The following PCDHGA9 variants were observed in gnomAD, a reference collection of about 807,000 sequenced individuals.
PCDHGA9 encodes protocadherin gamma-A9.
Under a neutral mutation model 62.5 loss-of-function variants are expected in PCDHGA9, and 37 were observed. The ratio of observed to expected loss-of-function variants is 0.59; its 90% CI spans 0.46 to 0.78. The LOEUF is 0.78. Ranked by LOEUF, PCDHGA9 falls within the 30% of genes least tolerant of loss-of-function variation. PCDHGA9 has a pLI of 0.00. For synonymous variants in PCDHGA9, 459 were observed against 484.6 expected, an observed-to-expected ratio of 0.95 and a Z score of 0.69; for missense variants, 1,138 against 1,166.2, an observed-to-expected ratio of 0.98 and a Z score of 0.35.
Position 141,493,760 on chromosome 5 carries a change from G to C in PCDHGA9, c.2425-1047G>C, listed in dbSNP as rs1268832909. On this transcript the variant is annotated intron_variant, in intron 1 of 3. Coordinates refer to ENST00000573521, the MANE Select transcript of PCDHGA9 (RefSeq NM_018921.3). The surrounding 1 kb of genome is among the most constrained non-coding windows in gnomAD (Gnocchi z 4.3). ...ACTGCCACCTGTGAGCCTTGAGTGA[G>C]CCACTGGCAGTTCCGGAGCTTCCTT... Among the ~76,000 whole-genome samples, 1 of 152,166 alleles carries C rather than the reference G, an allele frequency of 6.6e-6. No individual in the cohort carries two copies. The highest frequency in any genetic ancestry group is 1.5e-5 in the Non-Finnish European group (1 of 68,022).
Position 141,487,341 on chromosome 5 carries a change from TC to T in PCDHGA9, c.2425-7465del, listed in dbSNP as rs778559139. Reference sequence around the variant, plus strand: ...TGTCTTCGTGGGGCAGCCTGTGGAGTCACATGCTTTCCTGCTGGCACCTGTG... The same window carrying T: ...TGTCTTCGTGGGGCAGCCTGTGGAGTACATGCTTTCCTGCTGGCACCTGTG... On this transcript the variant is annotated intron_variant, in intron 1 of 3. Transcript: ENST00000573521. This position sits in a 1 kb window ranked among gnomAD's most constrained non-coding sequence, Gnocchi z 5.0. 1 of 1,614,012 alleles carries T rather than the reference TC, an allele frequency of 6.2e-7. No homozygotes were observed. The highest frequency in any genetic ancestry group is 1.1e-5 in the South Asian group (1 of 91,074).
chr5:141,489,363 G>T lies in PCDHGA9; in HGVS notation c.2425-5444G>T, dbSNP rs767837736. 20 of 1,613,114 alleles carry T rather than the reference G, an allele frequency of 1.2e-5. No homozygotes were observed. Among genetic ancestry groups the T allele is most frequent in the Non-Finnish European group, 1.7e-5 (20 of 1,179,354 alleles). ...ACTCAGTGGTGGAGGAGTCTGAGCCGGGGACGCTGGTGGGGAATGTTGCTC... is the reference window on the plus strand; with the variant it reads ...ACTCAGTGGTGGAGGAGTCTGAGCCTGGGACGCTGGTGGGGAATGTTGCTC... On this transcript the variant is annotated intron_variant, in intron 1 of 3. Transcript: ENST00000573521. The surrounding 1 kb of genome is among the most constrained non-coding windows in gnomAD (Gnocchi z 4.5).
chr5:141,486,608 G>A lies in PCDHGA9; in HGVS notation c.2425-8199G>A. On this transcript the variant is annotated intron_variant, in intron 1 of 3. Transcript: ENST00000573521. The surrounding 1 kb of genome is among the most constrained non-coding windows in gnomAD (Gnocchi z 5.0). ...AGGGGACCTGCTTTGCTCCCTTGCAGCCTCTGACCCAGACTCTGGCTTGAA... is the reference window on the plus strand; with the variant it reads ...AGGGGACCTGCTTTGCTCCCTTGCAACCTCTGACCCAGACTCTGGCTTGAA... 3 of 1,613,546 alleles carry A rather than the reference G, an allele frequency of 1.9e-6. No homozygotes were observed. The highest frequency in any genetic ancestry group is 2.5e-6 in the Non-Finnish European group (3 of 1,180,024).
chr5:141,454,563 C>T (rs1056296059), intron 1 of PCDHGA9, among the ~76,000 whole-genome samples: 46 of 151,960 alleles, frequency 3.0e-4, no homozygotes, highest in Non-Finnish European at 4.9e-4. Context: ...TGTGCCACCA[C>T]GCCCGGCTAA....
chr5:141,450,831 T>TATTA (rs761717068), intron 1 of PCDHGA9, among the ~76,000 whole-genome samples: 2 of 144,580 alleles, frequency 1.4e-5, no homozygotes, highest in South Asian at 2.2e-4. Flanking sequence ...TTATTATTAT[T>TATTA]TTTTTTTTTT....
intron 1 of PCDHGA9, chr5:141,427,729 A>G (rs1176707357): frequency 8.5e-7 from 1 of 1,170,166 alleles, no homozygotes; most frequent in African/African-American, 1.5e-5. Context: ...CTAGGGCTGA[A>G]TGGCCAAGTC....
chr5:141,432,025 G>T lies in PCDHGA9; in HGVS notation c.2424+26649G>T. ...AGGTTCCTAGCTACAACATCACAGT[G>T]ACCGCCACTGACCGGGGAACCCCGC... On this transcript the variant is annotated intron_variant, in intron 1 of 3. Coordinates refer to ENST00000573521, the MANE Select transcript of PCDHGA9 (RefSeq NM_018921.3). The surrounding 1 kb of genome is among the most constrained non-coding windows in gnomAD (Gnocchi z 6.0). The T allele has an allele frequency of 6.2e-7, 1 of 1,614,158 alleles. No homozygotes were observed. The highest frequency in any genetic ancestry group is 1.1e-5 in the South Asian group (1 of 91,058).
intron 1 of PCDHGA9, chr5:141,417,885 G>T (rs761442517): frequency 3.8e-6 from 6 of 1,562,926 alleles, no homozygotes; most frequent in South Asian, 1.2e-5. Context: ...GCGCAGAGGC[G>T]CCGGGCCGGC....
Position 141,477,099 on chromosome 5 carries a change from G to C in PCDHGA9, c.2425-17708G>C. On this transcript the variant is annotated intron_variant, in intron 1 of 3. Transcript: ENST00000573521. This position sits in a 1 kb window ranked among gnomAD's most constrained non-coding sequence, Gnocchi z 4.9. ...ATTTACATCCAGGCCAAAGACAAGG[G>C]CGCCAATCCCGAAGGAGCACATTGC... 6.2e-7 allele frequency: 1 copy of C among 1,614,256 alleles called. No individual in the cohort carries two copies. Among genetic ancestry groups the C allele is most frequent in the Non-Finnish European group, 8.5e-7 (1 of 1,180,054 alleles).
chr5:141,507,735 C>T (rs942364858), intron 3 of PCDHGA9, among the ~76,000 whole-genome samples: 3 of 152,268 alleles, frequency 2.0e-5, no homozygotes, highest in Non-Finnish European at 2.9e-5. Flanking sequence ...TCATGCAGCT[C>T]GTTCCCCTGT....
rs1030000451 is a variant in PCDHGA9, at chr5:141,432,417, T to G, written c.2424+27041T>G. 2.5e-6 allele frequency: 4 copies of G among 1,614,124 alleles called. No individual in the cohort carries two copies. In the African/African-American group the frequency reaches 5.3e-5, roughly 22 times the overall value. On this transcript the variant is annotated intron_variant, in intron 1 of 3. Coordinates refer to ENST00000573521, the MANE Select transcript of PCDHGA9 (RefSeq NM_018921.3). This position sits in a 1 kb window ranked among gnomAD's most constrained non-coding sequence, Gnocchi z 6.0. The stretch of plus-strand genomic sequence containing the variant: ...AACGTGTCGTTGAGCCTGTTCGTGC[T>G]GGACCAGAACGACAATGCGCCCGAG...
chr5:141,493,289 C>T lies in PCDHGA9; in HGVS notation c.2425-1518C>T, dbSNP rs925045650. 2.6e-5 allele frequency among the ~76,000 whole-genome samples: 4 copies of T among 152,176 alleles called. No individual in the cohort carries two copies. Among genetic ancestry groups the T allele is most frequent in the Non-Finnish European group, 5.9e-5 (4 of 68,030 alleles). On this transcript the variant is annotated intron_variant, in intron 1 of 3. Coordinates refer to ENST00000573521, the MANE Select transcript of PCDHGA9 (RefSeq NM_018921.3). The surrounding 1 kb of genome is among the most constrained non-coding windows in gnomAD (Gnocchi z 4.3). ...CTTCACAGAGGTCAAGTGACTTGCT[C>T]AAGTTCACAGAGCAAGTAAGAGAGA...
chr5:141,403,850 G>A lies in PCDHGA9; in HGVS notation c.898G>A (p.Glu300Lys), dbSNP rs368454282. The A allele has an allele frequency of 1.4e-5, 23 of 1,613,634 alleles. No individual in the cohort carries two copies. In the African/African-American group the frequency reaches 3.1e-4, roughly 22 times the overall value. Residue 300 changes from glutamate (E) to lysine (K), a missense_variant, in exon 1 of 4, where the codon GAA becomes AAA. Physicochemically the swap from Glu to Lys is moderately conservative, Grantham distance 56 (BLOSUM62 1). Coordinates refer to ENST00000573521, the MANE Select transcript of PCDHGA9 (RefSeq NM_018921.3). Reference sequence around the variant, plus strand: ...ATTCCAGCTTAATGAAAATACTGGGGAAATATCAACAGCAAAAAGTCTAGA... The same window carrying A: ...ATTCCAGCTTAATGAAAATACTGGGAAAATATCAACAGCAAAAAGTCTAGA... ...LLFQLNENTG[E>K]ISTAKSLDYE... is the part of the protein sequence containing the mutation.
intron 1 of PCDHGA9, among the ~76,000 whole-genome samples, chr5:141,455,460 A>G (rs1175234914): frequency 1.3e-5 from 2 of 152,186 alleles, no homozygotes; most frequent in Non-Finnish European, 2.9e-5. Flanking sequence ...GATACCAGCC[A>G]GGTATATATG....
At chr5:141,452,879 A>C (rs1389712789) in intron 1 of PCDHGA9, among the ~76,000 whole-genome samples, 1 of 152,200 alleles carries the variant, frequency 6.6e-6, no homozygotes, top group Admixed American at 6.5e-5. Context: ...CATTTGTAAT[A>C]ATTTATTCCA....
At chr5:141,475,992 C>A in intron 1 of PCDHGA9, 1 of 1,158,844 alleles carries the variant, frequency 8.6e-7, no homozygotes, top group Non-Finnish European at 1.2e-6. Context: ...GCGAGCAAAT[C>A]AACGGCATCC....
chr5:141,426,276 C>A, intron 1 of PCDHGA9: 1 of 164,340 alleles, frequency 6.1e-6, no homozygotes, highest in South Asian at 1.6e-4. Context: ...TGCAGCAACG[C>A]ATGGGAAGGA....
chr5:141,473,626 G>A lies in PCDHGA9; in HGVS notation c.2425-21181G>A, dbSNP rs149882847. ...GCAAAGCAAAGGGAGGGAGGAAAAA[G>A]CAGCTTTCCTGGCAAAGGAACAATT... On this transcript the variant is annotated intron_variant, in intron 1 of 3. Transcript: ENST00000573521. Among the ~76,000 whole-genome samples, 1,234 of 152,276 alleles carry A rather than the reference G, an allele frequency of 8.1e-3. 14 individuals are homozygous for A. Among genetic ancestry groups the A allele is most frequent in the Non-Finnish European group, 0.011 (715 of 68,020 alleles).
chr5:141,467,233 A>G (rs1009794220), intron 1 of PCDHGA9, among the ~76,000 whole-genome samples: 1 of 151,564 alleles, frequency 6.6e-6, no homozygotes, highest in South Asian at 2.1e-4. Flanking sequence ...TTGTATTTTT[A>G]GTAGAGATGG....
Sources: gnomAD v4.1 joint callset for allele counts (sites outside exome capture counted in the v4.1 genomes callset) on GRCh38, gnomAD v4.1.1 for gene constraint, Gnocchi (gnomAD v3.1) non-coding constraint, MANE v1.5 for transcripts, NCBI Gene and HGNC (gene_info 2026-07-23, HGNC 2026-07-21) for gene names.